The following AGXT2 variants were observed in gnomAD, a reference collection of about 807,000 sequenced individuals.
AGXT2 encodes alanine--glyoxylate aminotransferase 2.
In AGXT2, 61 loss-of-function variants were observed where a neutral mutation model predicts 62.5. The observed-to-expected ratio is 0.98, with a 90% CI of 0.79 to 1.21. AGXT2 has a LOEUF of 1.21. Ranked by LOEUF, AGXT2 falls within the 50% of genes most tolerant of loss-of-function variation. AGXT2 has a pLI of 0.00. For missense variants in AGXT2, 666 were observed against 641.5 expected, an observed-to-expected ratio of 1.04 and a Z score of -0.41; for synonymous variants, 243 against 218.7, an observed-to-expected ratio of 1.11 and a Z score of -0.98.
At chr5:35,027,297 C>A (rs774539411) in intron 7 of AGXT2, among the ~76,000 whole-genome samples, 1 of 152,046 alleles carries the variant, frequency 6.6e-6, no homozygotes, top group African/African-American at 2.4e-5. Flanking sequence ...GCCTTTCTTT[C>A]TTTCTTTCTT....
chr5:35,016,672 G>T (rs1246972078), intron 9 of AGXT2, among the ~76,000 whole-genome samples: 2 of 152,116 alleles, frequency 1.3e-5, no homozygotes, highest in East Asian at 3.8e-4. Flanking sequence ...CCCAAATAAA[G>T]TGGTCTTCCT....
chr5:35,023,171 AAAAAAG>A, intron 9 of AGXT2, among the ~76,000 whole-genome samples: 1 of 74,166 alleles, frequency 1.3e-5, no homozygotes, highest in Non-Finnish European at 3.4e-5. Flanking sequence ...GATGTAAAAA[AAAAAAG>A]AAAAAAGAAA....
intron 9 of AGXT2, among the ~76,000 whole-genome samples, chr5:35,020,968 T>A (rs1429584676): frequency 6.6e-6 from 1 of 152,110 alleles, no homozygotes. Context: ...GAATTCCCAT[T>A]CACAATTGCT....
chr5:35,034,369 C>A (rs1767689894), intron 5 of AGXT2, among the ~76,000 whole-genome samples: 2 of 152,220 alleles, frequency 1.3e-5, no homozygotes, highest in Middle Eastern at 3.4e-3. Flanking sequence ...TCTTTATTGT[C>A]ATATTTCTTA....
intron 1 of AGXT2, among the ~76,000 whole-genome samples, chr5:35,044,035 A>T (rs1360659393): frequency 6.6e-6 from 1 of 152,116 alleles, no homozygotes; most frequent in Non-Finnish European, 1.5e-5. Context: ...ATCTTAGGTA[A>T]CTTGAAAAAA....
chr5:34,999,796 A>G (rs1474880837), intron 13 of AGXT2, among the ~76,000 whole-genome samples: 1 of 152,168 alleles, frequency 6.6e-6, no homozygotes, highest in Admixed American at 6.5e-5. Context: ...CCATTTTTAT[A>G]AACTTTCCTA....
At chr5:35,035,405 C>T in intron 4 of AGXT2, 89 bp from the exon 5 acceptor site, 3 of 1,090,370 alleles carry the variant, frequency 2.8e-6, no homozygotes, top group Non-Finnish European at 4.2e-6. Context: ...TGTCCAGCCC[C>T]TGAGTATTAA....
At chr5:35,002,216 A>T (rs1766253023) in intron 13 of AGXT2, among the ~76,000 whole-genome samples, 1 of 87,542 alleles carries the variant, frequency 1.1e-5, no homozygotes, top group Non-Finnish European at 3.3e-5. Flanking sequence ...CTAGAAAAAA[A>T]ATCACAGAGC....
intron 9 of AGXT2, among the ~76,000 whole-genome samples, chr5:35,020,660 G>T (rs1041820782): frequency 3.9e-5 from 6 of 152,204 alleles, no homozygotes; most frequent in Non-Finnish European, 5.9e-5. Context: ...TTGAAAACTG[G>T]CATAAGACAG....
At chr5:35,027,486 T>A (rs1198016880) in intron 7 of AGXT2, among the ~76,000 whole-genome samples, 1 of 152,186 alleles carries the variant, frequency 6.6e-6, no homozygotes, top group Non-Finnish European at 1.5e-5. Context: ...AAAACTTGCT[T>A]TCTTATTCTT....
At chr5:35,030,589 G>A (rs1044818191) in intron 7 of AGXT2, among the ~76,000 whole-genome samples, 2 of 152,264 alleles carry the variant, frequency 1.3e-5, no homozygotes, top group Non-Finnish European at 2.9e-5. Flanking sequence ...AGAAATGTAC[G>A]CCTGTCACTA....
At chr5:35,005,861 T>C (rs1192622727) in intron 12 of AGXT2, among the ~76,000 whole-genome samples, 1 of 140,656 alleles carries the variant, frequency 7.1e-6, no homozygotes, top group Non-Finnish European at 1.6e-5. Context: ...TAAAGAATTA[T>C]AAATTTAAAA....
chr5:35,002,779 G>GGGT (rs1554032855), intron 13 of AGXT2, among the ~76,000 whole-genome samples: 2 of 131,250 alleles, frequency 1.5e-5, no homozygotes, highest in African/African-American at 6.0e-5. Flanking sequence ...AGCAGGCTGG[G>GGGT]GGGGGGGACT....
chr5:35,035,413 T>G, intron 4 of AGXT2, 97 bp from the exon 5 acceptor site: 2 of 983,088 alleles, frequency 2.0e-6, no homozygotes, highest in Non-Finnish European at 3.2e-6. Context: ...CCCTGAGTAT[T>G]AAGGAGAGTT....
intron 9 of AGXT2, among the ~76,000 whole-genome samples, chr5:35,017,897 A>T (rs958458587): frequency 6.6e-6 from 1 of 152,246 alleles, no homozygotes; most frequent in African/African-American, 2.4e-5. Flanking sequence ...TGGAGCTGAA[A>T]ACCAAGGCTC....
intron 11 of AGXT2, chr5:35,012,606 A>T (rs1766686975): frequency 6.2e-6 from 2 of 322,268 alleles, no homozygotes; most frequent in African/African-American, 2.1e-5. Flanking sequence ...GGAAGAAAAA[A>T]TACACAAGAG....
chr5:35,005,684 G>A (rs1766393903), intron 12 of AGXT2, among the ~76,000 whole-genome samples: 1 of 150,330 alleles, frequency 6.7e-6, no homozygotes, highest in Non-Finnish European at 1.5e-5. Context: ...AAAAAAAGCA[G>A]GGTCTGAAAC....
chr5:34,999,233 T>A (rs1255715103), intron 13 of AGXT2, among the ~76,000 whole-genome samples: 2 of 152,198 alleles, frequency 1.3e-5, no homozygotes, highest in Non-Finnish European at 2.9e-5. Flanking sequence ...TTCATACCCA[T>A]GGCCAATGCC....
At chr5:35,025,737 C>T in intron 9 of AGXT2, 26 bp downstream of exon 9, 2 of 1,609,934 alleles carry the variant, frequency 1.2e-6, no homozygotes, top group Non-Finnish European at 1.7e-6. Flanking sequence ...CCACTGCACT[C>T]AATGGCACCC....
Sources: allele counts gnomAD v4.1 joint callset (sites outside exome capture counted in the v4.1 genomes callset), GRCh38; gene constraint gnomAD v4.1.1; transcripts MANE v1.5; gene names NCBI Gene and HGNC (gene_info 2026-07-23, HGNC 2026-07-21).